LAMA1: variants seen among roughly 807,000 people sequenced by gnomAD.
LAMA1 encodes the protein laminin subunit alpha-1.
In LAMA1, 219 loss-of-function variants were observed where a neutral mutation model predicts 348.7. The ratio of observed to expected loss-of-function variants is 0.63; its 90% CI spans 0.56 to 0.70. LAMA1 has a LOEUF of 0.70. Among genes scored for constraint, LAMA1 ranks in the 30% least tolerant of loss-of-function variants. The pLI, the probability that LAMA1 is intolerant of heterozygous loss-of-function variation, is 0.00. For synonymous variants in LAMA1, 1,487 were observed against 1,491.0 expected, an observed-to-expected ratio of 1.00 and a Z score of 0.06; for missense variants, 3,744 against 3,888.0, an observed-to-expected ratio of 0.96 and a Z score of 0.99.
chr18:6,970,627 CT>C (rs1440103143), intron 48 of LAMA1, among the ~76,000 whole-genome samples: 372 of 144,596 alleles, frequency 2.6e-3, no homozygotes, highest in South Asian at 5.1e-3. Flanking sequence ...CTGGTCCTAA[CT>C]TTTTTTTTTT....
chr18:6,988,795 G>A (rs140324823), intron 36 of LAMA1, among the ~76,000 whole-genome samples: 4 of 119,216 alleles, frequency 3.4e-5, no homozygotes, highest in Non-Finnish European at 4.9e-5. Flanking sequence ...AGACAGAGGA[G>A]ACTCCGTCTC....
chr18:7,105,849 G>A (rs1462779), intron 1 of LAMA1, among the ~76,000 whole-genome samples: 9,724 of 152,214 alleles, frequency 0.064, 960 homozygotes, highest in African/African-American at 0.21. Context: ...TTCAAAGAAG[G>A]GTCTTGGCGA....
intron 44 of LAMA1, 118 bp downstream of exon 44, chr18:6,977,609 C>T: frequency 8.6e-7 from 1 of 1,156,144 alleles, no homozygotes; most frequent in Non-Finnish European, 1.2e-6. Context: ...TTATTGGGAT[C>T]TGGGTCTTTG....
intron 48 of LAMA1, 48 bp downstream of exon 48, chr18:6,971,809 A>C: frequency 6.2e-7 from 1 of 1,612,834 alleles, no homozygotes; most frequent in Non-Finnish European, 8.5e-7. Context: ...CACTTCTCAG[A>C]TGTTAACAGA....
intron 3 of LAMA1, among the ~76,000 whole-genome samples, chr18:7,056,813 G>A (rs562442129): frequency 5.9e-5 from 9 of 152,206 alleles, no homozygotes; most frequent in Non-Finnish European, 8.8e-5. Flanking sequence ...CTAATGCCAC[G>A]AAGCACTTAC....
At chr18:6,955,240 G>C in intron 57 of LAMA1, 113 bp downstream of exon 57, 1 of 824,178 alleles carries the variant, frequency 1.2e-6, no homozygotes, top group Non-Finnish European at 2.0e-6. Flanking sequence ...TGCAAATCAA[G>C]CACTTCATCA....
chr18:7,058,096 CT>C (rs567356478), intron 3 of LAMA1, among the ~76,000 whole-genome samples: 78 of 152,244 alleles, frequency 5.1e-4, no homozygotes, highest in African/African-American at 1.8e-3. Flanking sequence ...GCCTCCGCGC[CT>C]GGCCCAGCCC....
intron 1 of LAMA1, among the ~76,000 whole-genome samples, chr18:7,089,597 G>A (rs1345028513): frequency 4.6e-5 from 7 of 152,252 alleles, no homozygotes; most frequent in Admixed American, 3.3e-4. Context: ...GACCTGGCGT[G>A]GGCCTGGCAG....
chr18:6,970,147 C>T (rs1034795492), intron 48 of LAMA1, among the ~76,000 whole-genome samples: 3 of 152,030 alleles, frequency 2.0e-5, no homozygotes, highest in African/African-American at 4.8e-5. Flanking sequence ...GAAAAAGTGG[C>T]GGATCAGAGA....
intron 17 of LAMA1, among the ~76,000 whole-genome samples, 191 bp from the exon 18 acceptor site, chr18:7,024,657 T>A (rs1243581722): frequency 1.3e-5 from 2 of 152,170 alleles, no homozygotes; most frequent in Non-Finnish European, 1.5e-5. Context: ...CCTGGTCCCA[T>A]GATCCAGGCA....
chr18:7,117,691 C>G lies in LAMA1; in HGVS notation c.30G>C (p.Leu10=), dbSNP rs745570197. The change falls in exon 1 of 63, where the codon CTG becomes CTC. Residue 10 remains leucine (L), a synonymous_variant. Coordinates refer to ENST00000389658, the MANE Select transcript of LAMA1 (RefSeq NM_005559.4). The part of the protein sequence containing the change: MRGGVLLVL[L]LCVAAQCRQR... ...GCCGGCACTGCGCGGCGACACACAGCAGCAAGACCAGGAGCACGCCCCCGC... is the reference window on the plus strand; with the variant it reads ...GCCGGCACTGCGCGGCGACACACAGGAGCAAGACCAGGAGCACGCCCCCGC... 5.0e-6 allele frequency: 8 copies of G among 1,598,942 alleles called. No homozygotes were observed. The highest frequency in any genetic ancestry group is 6.8e-6 in the Non-Finnish European group (8 of 1,178,634).
chr18:7,111,656 G>T (rs148923771), intron 1 of LAMA1, among the ~76,000 whole-genome samples: 1 of 152,104 alleles, frequency 6.6e-6, no homozygotes, highest in African/African-American at 2.4e-5. Context: ...TTTCCTCCTC[G>T]TTAATTTTGC....
At chr18:6,971,801 C>T (rs1425286889) in intron 48 of LAMA1, 56 bp downstream of exon 48, 15 of 1,611,664 alleles carry the variant, frequency 9.3e-6, no homozygotes, top group Non-Finnish European at 1.2e-5. Context: ...TCTTTCAGCA[C>T]TTCTCAGATG....
At position 7,079,977 on chromosome 18, in the gene LAMA1, G is replaced by A; in HGVS notation, c.343C>T (p.Gln115Ter). 3 of 1,610,042 alleles carry A rather than the reference G, an allele frequency of 1.9e-6. No homozygotes were observed. The highest frequency in any genetic ancestry group is 2.6e-6 in the Non-Finnish European group (3 of 1,176,256). Residue 115 changes from glutamine to a stop codon, truncating the protein, a stop_gained and splice_region_variant, in exon 3 of 63, where the codon CAG becomes TAG. Transcript: ENST00000389658. LOFTEE classifies it high-confidence loss of function. ...HWVTITLDLR[Q>*]VFQVAYVIIK... The stretch of plus-strand genomic sequence containing the variant: ...TCAATGGTTCTGGGCTCACCTACCT[G>A]TCTTAAGTCCAGAGTGATTGTGACC...
At chr18:7,053,202 G>A (rs941678983) in intron 3 of LAMA1, among the ~76,000 whole-genome samples, 1 of 152,158 alleles carries the variant, frequency 6.6e-6, no homozygotes, top group African/African-American at 2.4e-5. Flanking sequence ...GGGATGAATA[G>A]GTGGGGCACA....
chr18:6,992,654 A>G lies in LAMA1; in HGVS notation c.5075T>C (p.Leu1692Pro). ...DEDFLLPNST[L>P]QNMQQNGTSL... ...TGTACCATTCTGTTGCATGTTCTGAAGAGTAGAATTGGGTAGTAGGAAATC... is the reference window on the plus strand; with the variant it reads ...TGTACCATTCTGTTGCATGTTCTGAGGAGTAGAATTGGGTAGTAGGAAATC... Residue 1692 changes from leucine to proline, a missense_variant, in exon 36 of 63, where the codon CTT becomes CCT. By Grantham distance (98) the Leu-to-Pro change is moderately conservative. Coordinates refer to ENST00000389658, the MANE Select transcript of LAMA1 (RefSeq NM_005559.4). The G allele has an allele frequency of 6.2e-7, 1 of 1,613,954 alleles. No homozygotes were observed. Among genetic ancestry groups the G allele is most frequent in the Non-Finnish European group, 8.5e-7 (1 of 1,179,772 alleles).
In LAMA1 at chr18:6,945,091, C is replaced by T. The variant is rs1477747152; in HGVS notation, c.8845-1689G>A. Among the ~76,000 whole-genome samples the T allele has an allele frequency of 5.9e-5, 9 of 152,000 alleles. No homozygotes were observed. The South Asian group carries it at 1.0e-3, about 18-fold the overall frequency. ...TTTTTCAAAAATAGAGATGGGGTGT[C>T]GCTATGTTGCCCTGGCTGGTCTCAA... On this transcript the variant is annotated intron_variant, in intron 61 of 62. Coordinates refer to ENST00000389658, the MANE Select transcript of LAMA1 (RefSeq NM_005559.4).
At chr18:7,001,063 G>A (rs1033596329) in intron 30 of LAMA1, among the ~76,000 whole-genome samples, 1 of 152,158 alleles carries the variant, frequency 6.6e-6, no homozygotes, top group African/African-American at 2.4e-5. Flanking sequence ...AAGTAGTAGG[G>A]TAGAATGTCC....
In LAMA1 at chr18:7,043,228, T is replaced by C; in HGVS notation, c.1154A>G (p.Lys385Arg). The part of the protein sequence containing the change: ...TCIDGYYRPH[K>R]VSPYEDEPCR... ...GCAATGGCAAAGAAATACTCTTACT[T>C]TGTGTGGTCTATAATATCCATCAAT... is the stretch of plus-strand genomic sequence containing the variant. Residue 385 changes from lysine to arginine, a missense_variant and splice_region_variant, in exon 8 of 63, where the codon AAA becomes AGA. Physicochemically the swap from Lys to Arg is conservative, Grantham distance 26. Transcript: ENST00000389658. The C allele has an allele frequency of 6.2e-7, 1 of 1,614,064 alleles. No individual in the cohort carries two copies. The highest frequency in any genetic ancestry group is 8.5e-7 in the Non-Finnish European group (1 of 1,179,958).
Sources: gnomAD v4.1 joint callset for allele counts (sites outside exome capture counted in the v4.1 genomes callset) on GRCh38, gnomAD v4.1.1 for gene constraint, MANE v1.5 for transcripts, NCBI Gene and HGNC (gene_info 2026-07-23, HGNC 2026-07-21) for gene names.